The following RMC1 variants were observed in gnomAD, a reference collection of about 807,000 sequenced individuals.
RMC1 encodes regulator of MON1-CCZ1, also known as regulator of MON1-CCZ1 complex.
RMC1 carries 44 observed loss-of-function variants against 95.5 expected under a neutral mutation model. The ratio of observed to expected loss-of-function variants is 0.46; its 90% confidence interval spans 0.36 to 0.59. The LOEUF (loss-of-function observed/expected upper bound fraction) is 0.59. Among genes scored for constraint, RMC1 ranks in the 20% least tolerant of loss-of-function variants. RMC1 has a pLI of 0.00. For synonymous variants in RMC1, 320 were observed against 303.6 expected, an observed-to-expected ratio of 1.05 and a Z score of -0.56; for missense variants, 705 against 819.6, an observed-to-expected ratio of 0.86 and a Z score of 1.71.
chr18:23,516,297 T>C (rs1445828207), intron 6 of RMC1, 23 bp from the exon 7 acceptor site: 1 of 1,611,374 alleles, frequency 6.2e-7, no homozygotes, highest in Non-Finnish European at 8.5e-7. Context: ...AAGCTTTTCC[T>C]AAAACATTTT....
chr18:23,522,825 G>C (rs1305993524), intron 10 of RMC1: 2 of 152,360 alleles, frequency 1.3e-5, no homozygotes, highest in Admixed American at 1.3e-4. Context: ...CTGCTGGGCT[G>C]TGAGCCCTGG....
At chr18:23,519,793 G>GT (rs1428330163) in intron 9 of RMC1, among the ~76,000 whole-genome samples, 3 of 152,164 alleles carry the variant, frequency 2.0e-5, no homozygotes, top group African/African-American at 7.2e-5. Flanking sequence ...GGGGATAATG[G>GT]TTTTGAGGCC....
intron 5 of RMC1, among the ~76,000 whole-genome samples, chr18:23,512,067 C>T (rs750809001): frequency 6.9e-6 from 1 of 145,080 alleles, no homozygotes; most frequent in Non-Finnish European, 1.5e-5. Context: ...GTCGCCCAGG[C>T]TGGAGTGCAA....
At position 23,526,765 on chromosome 18, in the gene RMC1, A is replaced by G; in HGVS notation, c.1189A>G (p.Met397Val). The G allele has an allele frequency of 1.9e-6, 3 of 1,613,868 alleles. No homozygotes were observed. The highest frequency in any genetic ancestry group is 1.1e-5 in the South Asian group (1 of 91,074). ...GGTCATCCTGTCTGTCTGTTCACAG[A>G]GTAAGTTGAATCCTTCCCCCTTGCT... ...KMVILSVCSQ[M>V]LSESDRASLP... The change falls in exon 13 of 20, where the codon ATG becomes GTG. Residue 397 changes from methionine to valine, a missense_variant and splice_region_variant. Coordinates refer to ENST00000269221, the MANE Select transcript of RMC1 (RefSeq NM_013326.5).
Position 23,530,469 on chromosome 18 carries a change from G to C in RMC1, c.1751G>C (p.Gly584Ala). Residue 584 changes from glycine to alanine, a missense_variant, in exon 19 of 20, where the codon GGC becomes GCC. Coordinates refer to ENST00000269221, the MANE Select transcript of RMC1 (RefSeq NM_013326.5). ...QVLAALRFIR[G>A]IGGHDNISAR... Reference sequence around the variant, plus strand: ...TTAGCTGCCTTAAGGTTTATCCGGGGCATTGGTGGCCATGACAACATTTCT... The same window carrying C: ...TTAGCTGCCTTAAGGTTTATCCGGGCCATTGGTGGCCATGACAACATTTCT... The C allele has an allele frequency of 6.2e-7, 1 of 1,614,254 alleles. No individual in the cohort carries two copies. The highest frequency in any genetic ancestry group is 1.3e-5 in the African/African-American group (1 of 75,062).
rs1598912018 is a variant in RMC1 at position 23,528,460 on chromosome 18, G to GTCTCC, written c.1296+559_1296+560insTCTCC. ...AGCCAGAAGAAAAGTTTAGGACAAG[G>GTCTCC]AGAATGAATTATTTCAATTCCAGGA... On this transcript the variant is annotated intron_variant, in intron 14 of 19. Transcript: ENST00000269221. 9.1e-5 allele frequency: 14 copies of GTCTCC among 153,704 alleles called. 1 individual carries two copies. The East Asian group carries it at 2.7e-3, about 30-fold the overall frequency. The allele number at this position is 153,704 out of a possible 1,614,324, so 9.5% of individuals were successfully genotyped here.
At chr18:23,522,391 G>A (rs2058165964) in intron 10 of RMC1, 1 of 152,170 alleles carries the variant, frequency 6.6e-6, no homozygotes, top group East Asian at 1.9e-4. Context: ...TCCAACCCAC[G>A]GTCTGTGGGC....
At chr18:23,531,159 T>A (rs757245846) in intron 19 of RMC1, among the ~76,000 whole-genome samples, 1 of 152,014 alleles carries the variant, frequency 6.6e-6, no homozygotes, top group African/African-American at 2.4e-5. Flanking sequence ...CCCGGCTGAT[T>A]TTTGTATTTT....
At position 23,503,661 on chromosome 18, in the gene RMC1, G is replaced by A; in HGVS notation, c.43G>A (p.Val15Met). ...DYYLELCERP[V>M]QFEKANPVNC... The stretch of plus-strand genomic sequence containing the variant: ...CTATCTGGAGCTGTGCGAGCGGCCG[G>A]TGCAGTTCGAGAAGGCGAACCCTGT... The change falls in exon 1 of 20, where the codon GTG (valine) becomes ATG (methionine). Residue 15 changes from valine to methionine, a missense_variant. Physicochemically the swap from Val to Met is conservative, Grantham distance 21. Transcript: ENST00000269221. 1.3e-6 allele frequency: 2 copies of A among 1,591,966 alleles called. No homozygotes were observed. The highest frequency in any genetic ancestry group is 1.7e-6 in the Non-Finnish European group (2 of 1,169,770).
At chr18:23,515,148 C>T (rs2057966022) in intron 5 of RMC1, among the ~76,000 whole-genome samples, 1 of 152,064 alleles carries the variant, frequency 6.6e-6, no homozygotes, top group African/African-American at 2.4e-5. Context: ...TTCTTTTGGC[C>T]GTTTCCTGGA....
chr18:23,510,267 G>A (rs2057817732), intron 5 of RMC1, among the ~76,000 whole-genome samples: 1 of 151,706 alleles, frequency 6.6e-6, no homozygotes, highest in African/African-American at 2.4e-5. Flanking sequence ...GGAGGTTGCA[G>A]TGAGCCAAGA....
intron 12 of RMC1, among the ~76,000 whole-genome samples, chr18:23,525,392 C>A (rs34804160): frequency 6.6e-6 from 1 of 152,016 alleles, no homozygotes; most frequent in Non-Finnish European, 1.5e-5. Context: ...GGCCTACAGG[C>A]GCACATCACC....
chr18:23,531,390 C>T, intron 19 of RMC1: 1 of 716,668 alleles, frequency 1.4e-6, no homozygotes, highest in South Asian at 2.6e-5. Context: ...AGGTCTATTT[C>T]TAGCTCAATG....
At chr18:23,522,887 T>TG (rs1337300272) in intron 10 of RMC1, 1 of 152,192 alleles carries the variant, frequency 6.6e-6, no homozygotes, top group Non-Finnish European at 1.5e-5. Context: ...TGGGTGGGCG[T>TG]GCTCAGGAAT....
intron 2 of RMC1, chr18:23,506,711 A>G (rs950151937): frequency 8.4e-6 from 3 of 355,296 alleles, no homozygotes; most frequent in Non-Finnish European, 1.6e-5. Context: ...TGTTGGAACA[A>G]TTCTCAGGTG....
At position 23,524,462 on chromosome 18, in the gene RMC1, T is replaced by A; in HGVS notation, c.1040T>A (p.Ile347Asn). 3 of 1,614,136 alleles carry A rather than the reference T, an allele frequency of 1.9e-6. No individual in the cohort carries two copies. The highest frequency in any genetic ancestry group is 2.5e-6 in the Non-Finnish European group (3 of 1,179,986). Residue 347 changes from isoleucine (I) to asparagine (N), a missense_variant, in exon 12 of 20, where the codon ATC becomes AAC. Coordinates refer to ENST00000269221, the MANE Select transcript of RMC1 (RefSeq NM_013326.5). The part of the protein sequence containing the change: ...SSSWIVFQPD[I>N]IISASQGYLW... ...TCTTGGATTGTCTTTCAACCTGACA[T>A]CATTATCAGCGCAAGCCAAGGTAGG...
chr18:23,528,180 CTGTTATAGATGAGAAAAAT>C lies in RMC1; in HGVS notation c.1296+280_1296+298del, dbSNP rs1158843654. 4 of 299,220 alleles carry C rather than the reference CTGTTATAGATGAGAAAAAT, an allele frequency of 1.3e-5. No homozygotes were observed. The Admixed American group carries it at 1.9e-4, about 14-fold the overall frequency. 18.5% of individuals were successfully genotyped at this position (299,220 alleles called of 1,614,324 possible). On this transcript the variant is annotated intron_variant, in intron 14 of 19. Coordinates refer to ENST00000269221, the MANE Select transcript of RMC1 (RefSeq NM_013326.5). ...ATCTTGCCTGTAGATCCTTGGTCTACTGTTATAGATGAGAAAAATCAGTCTCTGCTTTGCAATATTTTGT... is the reference window on the plus strand; with the variant it reads ...ATCTTGCCTGTAGATCCTTGGTCTACCAGTCTCTGCTTTGCAATATTTTGT...
intron 10 of RMC1, among the ~76,000 whole-genome samples, chr18:23,522,140 C>T (rs1325802385): frequency 5.3e-5 from 8 of 152,236 alleles, no homozygotes; most frequent in Admixed American, 5.2e-4. Context: ...CTTGCTGGAC[C>T]AGCCAAAAGC....
chr18:23,529,479 T>A, intron 15 of RMC1, 156 bp from the exon 16 acceptor site: 1 of 1,248,440 alleles, frequency 8.0e-7, no homozygotes, highest in Non-Finnish European at 1.1e-6. Flanking sequence ...AGCATAATTG[T>A]TGACGGGTGG....
Sources: allele counts gnomAD v4.1 joint callset (sites outside exome capture counted in the v4.1 genomes callset), GRCh38; gene constraint gnomAD v4.1.1; transcripts MANE v1.5; gene names NCBI Gene and HGNC (gene_info 2026-07-23, HGNC 2026-07-21).